The following ERGIC1 variants were observed in gnomAD, a reference collection of about 807,000 sequenced individuals.
ERGIC1 encodes the protein endoplasmic reticulum-golgi intermediate compartment 1, also known as endoplasmic reticulum-Golgi intermediate compartment protein 1.
A neutral mutation model predicts 38.3 loss-of-function variants in ERGIC1; 19 were observed. The ratio of observed to expected loss-of-function variants is 0.50; its 90% CI spans 0.35 to 0.73. The LOEUF is 0.73. ERGIC1 is among the 30% of genes least tolerant of loss of function. ERGIC1 has a pLI of 0.01. For missense variants in ERGIC1, 294 were observed against 389.2 expected (o/e 0.76, Z 2.06); for synonymous variants, 124 against 157.6 (o/e 0.79, Z 1.60).
intron 9 of ERGIC1, 21 bp from the exon 10 acceptor site, chr5:172,950,688 C>G (rs1764211851): frequency 1.2e-6 from 2 of 1,603,904 alleles, no homozygotes; most frequent in African/African-American, 2.7e-5. Flanking sequence ...ACACTCCCAC[C>G]CCACCCCTGC....
Position 172,950,838 on chromosome 5 carries a change from C to T in ERGIC1, c.*22C>T, listed in dbSNP as rs369320671. 132 of 1,594,470 alleles carry T rather than the reference C, an allele frequency of 8.3e-5. No individual in the cohort carries two copies. The highest frequency in any genetic ancestry group is 2.5e-4 in the East Asian group (11 of 44,244). On this transcript the variant is annotated 3_prime_UTR_variant, in exon 10 of 10. Coordinates refer to ENST00000393784, the MANE Select transcript of ERGIC1 (RefSeq NM_001031711.3). ...TTGACGCCACACCCAGCCTAATGGC[C>T]GAGGACCCTGGGCATCGCCAGCCTT...
intron 9 of ERGIC1, 92 bp downstream of exon 9, chr5:172,935,402 CT>C: frequency 1.9e-6 from 3 of 1,567,150 alleles, no homozygotes; most frequent in Non-Finnish European, 2.6e-6. Context: ...CCTGTTCTCG[CT>C]GAAACAGGAG....
intron 4 of ERGIC1, among the ~76,000 whole-genome samples, chr5:172,912,064 C>T (rs1188587453): frequency 6.7e-6 from 1 of 148,450 alleles, no homozygotes; most frequent in Non-Finnish European, 1.5e-5. Flanking sequence ...ATATGGGAAC[C>T]TTCTGGAGTT....
chr5:172,899,360 CAGGCTGT>C lies in ERGIC1; in HGVS notation c.155+2289_155+2295del, dbSNP rs559835531. Among the ~76,000 whole-genome samples, 160 of 143,706 alleles carry C rather than the reference CAGGCTGT, an allele frequency of 1.1e-3. 1 individual carries two copies. Among genetic ancestry groups the C allele is most frequent in the African/African-American group, 4.0e-3 (154 of 38,148 alleles). The allele number at this position is 143,706 out of a possible 152,430, so 94.3% of individuals were successfully genotyped here. On this transcript the variant is annotated intron_variant, in intron 3 of 9. Transcript: ENST00000393784. ...GGAGACGGAGTCTCGCTCTGTCGTC[CAGGCTGT>C]AGTGCAGTGGCGTGATCTCGGCTCA...
intron 1 of ERGIC1, among the ~76,000 whole-genome samples, chr5:172,888,033 G>A (rs1762464949): frequency 6.6e-6 from 1 of 152,168 alleles, no homozygotes. Context: ...CCCGATTCAG[G>A]GGTTCCATAC....
chr5:172,858,106 G>C (rs878966369), intron 1 of ERGIC1, among the ~76,000 whole-genome samples: 17 of 152,218 alleles, frequency 1.1e-4, no homozygotes, highest in Admixed American at 1.0e-3. Flanking sequence ...GGGATCGGGG[G>C]AACCTGACTG....
At position 172,838,137 on chromosome 5, in the gene ERGIC1, A is replaced by G. The variant is rs1469163485; in HGVS notation, c.20+3704A>G. Among the ~76,000 whole-genome samples the G allele has an allele frequency of 2.6e-5, 4 of 152,146 alleles. No homozygotes were observed. In the East Asian group the frequency reaches 7.7e-4, roughly 29 times the overall value. ...TCTTCATTTTAAGGAGGGGATGTAA[A>G]CTTCGCTGCCTCACCTGGTAGAGTA... On this transcript the variant is annotated intron_variant, in intron 1 of 9. Coordinates refer to ENST00000393784, the MANE Select transcript of ERGIC1 (RefSeq NM_001031711.3).
At chr5:172,890,616 G>A (rs1374967755) in intron 2 of ERGIC1, among the ~76,000 whole-genome samples, 1 of 152,210 alleles carries the variant, frequency 6.6e-6, no homozygotes, top group Non-Finnish European at 1.5e-5. Flanking sequence ...GCAAACAGGG[G>A]ATGCTTTCGC....
intron 7 of ERGIC1, among the ~76,000 whole-genome samples, chr5:172,928,487 A>G (rs1033741452): frequency 4.6e-5 from 7 of 152,208 alleles, no homozygotes; most frequent in African/African-American, 1.7e-4. Context: ...TGGTCACCCT[A>G]TCTAAAGTAA....
chr5:172,873,244 C>T (rs1391790737), intron 1 of ERGIC1, among the ~76,000 whole-genome samples: 2 of 152,242 alleles, frequency 1.3e-5, no homozygotes, highest in Admixed American at 6.5e-5. Context: ...GCCAGGAGGC[C>T]GTGTCCTGTT....
In ERGIC1 at chr5:172,926,634, G is replaced by A; in HGVS notation, c.541+65G>A. On this transcript the variant is annotated intron_variant, in intron 7 of 9. Coordinates refer to ENST00000393784, the MANE Select transcript of ERGIC1 (RefSeq NM_001031711.3). This position sits in a 1 kb window ranked among gnomAD's most constrained non-coding sequence, Gnocchi z 5.2. ...GCCCAGTACAGCAGGCAGGGAGGGG[G>A]AGGGCAGAGAGGTGGGGGTGCCTGT... The A allele has an allele frequency of 1.3e-6, 2 of 1,575,336 alleles. No homozygotes were observed. Among genetic ancestry groups the A allele is most frequent in the Non-Finnish European group, 1.7e-6 (2 of 1,154,486 alleles).
In ERGIC1 at chr5:172,935,310, G is replaced by C. The variant is rs147480799; in HGVS notation, c.765G>C (p.Thr255=). The C allele has an allele frequency of 1.9e-6, 3 of 1,614,014 alleles. No individual in the cohort carries two copies. In the African/African-American group the frequency reaches 4.0e-5, roughly 22 times the overall value. Residue 255 remains threonine, a splice_region_variant and synonymous_variant, in exon 9 of 10, where the codon ACG becomes ACC. Coordinates refer to ENST00000393784, the MANE Select transcript of ERGIC1 (RefSeq NM_001031711.3). ...RRQPLYRFIT[T]ICAIIGGTFT... ...AGCCGCTGTACAGATTCATCACCAC[G>C]GTGAGTGGCCTGGGGCAGTGGGTGG...
At chr5:172,934,944 T>G (rs1581585256) in intron 8 of ERGIC1, 1 of 536,360 alleles carries the variant, frequency 1.9e-6, no homozygotes, top group East Asian at 3.0e-5. Flanking sequence ...ATTCTGGTGC[T>G]GCTTGCAGCT....
chr5:172,888,782 A>G (rs765713790), intron 2 of ERGIC1, 22 bp downstream of exon 2: 1 of 1,610,662 alleles, frequency 6.2e-7, no homozygotes, highest in East Asian at 2.2e-5. Flanking sequence ...ACCTCTGGCC[A>G]TGCCCTCTGC....
chr5:172,904,008 C>T (rs1042059036), intron 3 of ERGIC1, among the ~76,000 whole-genome samples: 1 of 147,134 alleles, frequency 6.8e-6, no homozygotes, highest in African/African-American at 2.4e-5. Flanking sequence ...CACTAACATA[C>T]ACACACTCAC....
chr5:172,895,606 G>A (rs983754339), intron 2 of ERGIC1, among the ~76,000 whole-genome samples: 2 of 152,070 alleles, frequency 1.3e-5, no homozygotes, highest in Non-Finnish European at 2.9e-5. Context: ...ACAGATAACC[G>A]ATAAAATGTG....
chr5:172,881,818 G>A (rs1762291484), intron 1 of ERGIC1, among the ~76,000 whole-genome samples: 1 of 152,228 alleles, frequency 6.6e-6, no homozygotes, highest in Admixed American at 6.5e-5. Context: ...ACAATTAGAT[G>A]TGAACATGCT....
Position 172,863,202 on chromosome 5 carries a change from C to T in ERGIC1, c.21-25497C>T, listed in dbSNP as rs538479105. Among the ~76,000 whole-genome samples, 6 of 152,326 alleles carry T rather than the reference C, an allele frequency of 3.9e-5. No individual in the cohort carries two copies. The South Asian group carries it at 8.3e-4, about 21-fold the overall frequency. ...CTGACCTCAAGTGATCCGCCCACCT[C>T]GGCCTCCCATAGTGCTGGGATTACA... On this transcript the variant is annotated intron_variant, in intron 1 of 9. Coordinates refer to ENST00000393784, the MANE Select transcript of ERGIC1 (RefSeq NM_001031711.3).
chr5:172,906,086 AAC>A (rs1209523206), intron 3 of ERGIC1: 1 of 455,992 alleles, frequency 2.2e-6, no homozygotes, highest in East Asian at 6.9e-5. Flanking sequence ...TGTCTGTCAT[AAC>A]CTCCTGGGCT....
Sources: gnomAD v4.1 joint callset for allele counts (sites outside exome capture counted in the v4.1 genomes callset) on GRCh38, gnomAD v4.1.1 for gene constraint, Gnocchi (gnomAD v3.1) non-coding constraint, MANE v1.5 for transcripts, NCBI Gene and HGNC (gene_info 2026-07-23, HGNC 2026-07-21) for gene names.